NPNT: variants seen among roughly 807,000 people sequenced by gnomAD.
The protein encoded by NPNT is nephronectin, also known as preosteoblast EGF-like repeat protein with MAM domain.
A neutral mutation model predicts 68.6 loss-of-function variants in NPNT; 45 were observed. The ratio of observed to expected loss-of-function variants is 0.66; its 90% CI spans 0.52 to 0.84. NPNT has a LOEUF of 0.84. NPNT is among the 40% of genes least tolerant of loss of function. NPNT has a pLI of 0.00. For missense variants in NPNT, 672 were observed against 714.8 expected (o/e 0.94, Z 0.68); for synonymous variants, 233 against 253.3 (o/e 0.92, Z 0.76).
In NPNT at chr4:105,970,873, G is replaced by T. The variant is rs535541993; in HGVS notation, c.*1883G>T. 1.3e-5 allele frequency: 4 copies of T among 304,902 alleles called. No individual in the cohort carries two copies. Among genetic ancestry groups the T allele is most frequent in the Admixed American group, 4.6e-5 (1 of 21,914 alleles). 18.9% of individuals were successfully genotyped at this position (304,902 alleles called of 1,614,324 possible). ...CCCTCTTGACCTCCTAATGGAGAGG[G>T]ATTGAAAGGGGAAGAGCCCACCAAA... On this transcript the variant is annotated 3_prime_UTR_variant, in exon 12 of 12. Coordinates refer to ENST00000379987, the MANE Select transcript of NPNT (RefSeq NM_001033047.3).
intron 8 of NPNT, among the ~76,000 whole-genome samples, chr4:105,950,453 T>A (rs1730734397): frequency 1.3e-5 from 2 of 152,112 alleles, no homozygotes; most frequent in African/African-American, 4.8e-5. Context: ...TTATTTATTA[T>A]TTATTTATTT....
At position 105,898,999 on chromosome 4, in the gene NPNT, A is replaced by C. The variant is rs973501198; in HGVS notation, c.172+998A>C. ...GAGGCTTAGAGGAAGAGAGAAGGGC[A>C]GTTACGAAGGCTAGAGCTGGCAATG... On this transcript the variant is annotated intron_variant, in intron 2 of 11. Transcript: ENST00000379987. Among the ~76,000 whole-genome samples, 79 of 152,242 alleles carry C rather than the reference A, an allele frequency of 5.2e-4. 1 individual carries two copies. Among genetic ancestry groups the C allele is most frequent in the African/African-American group, 1.9e-3 (77 of 41,530 alleles).
rs553083632 is a variant in NPNT, at chr4:105,932,964, A to G, written c.266-4045A>G. Among the ~76,000 whole-genome samples, 108 of 152,336 alleles carry G rather than the reference A, an allele frequency of 7.1e-4. 1 individual carries two copies. Among genetic ancestry groups the G allele is most frequent in the African/African-American group, 2.5e-3 (106 of 41,578 alleles). Reference sequence around the variant, plus strand: ...ATTTTGAAATATGTTCTAAAAACAGATAGCAAAACAACTTTTTTCATATGT... The same window carrying G: ...ATTTTGAAATATGTTCTAAAAACAGGTAGCAAAACAACTTTTTTCATATGT... On this transcript the variant is annotated intron_variant, in intron 3 of 11. Transcript: ENST00000379987.
intron 2 of NPNT, among the ~76,000 whole-genome samples, chr4:105,926,115 C>G (rs1394650738): frequency 6.6e-6 from 1 of 152,158 alleles, no homozygotes; most frequent in East Asian, 1.9e-4. Context: ...AGTCTGCTCC[C>G]TTCTCTGTCT....
intron 3 of NPNT, chr4:105,932,800 A>G: frequency 1.2e-6 from 1 of 829,782 alleles, no homozygotes; most frequent in East Asian, 2.7e-5. Context: ...CTAGCCCAGG[A>G]GTGTCCAGCC....
intron 2 of NPNT, among the ~76,000 whole-genome samples, chr4:105,926,327 A>T (rs1728675352): frequency 6.6e-6 from 1 of 152,172 alleles, no homozygotes. Flanking sequence ...ATTATTTTTC[A>T]TCTATTATAG....
chr4:105,940,641 G>A lies in NPNT; in HGVS notation c.763+5G>A, dbSNP rs1395840397. 4.3e-6 allele frequency: 7 copies of A among 1,611,934 alleles called. No homozygotes were observed. The highest frequency in any genetic ancestry group is 5.9e-6 in the Non-Finnish European group (7 of 1,178,792). On this transcript the variant is annotated splice_donor_5th_base_variant and intron_variant, in intron 7 of 11. Transcript: ENST00000379987. Reference sequence around the variant, plus strand: ...GTGATGGACTGACTTGTGTGTGTGAGTAGCACTTGTCTCTCAGCTTTAAAT... The same window carrying A: ...GTGATGGACTGACTTGTGTGTGTGAATAGCACTTGTCTCTCAGCTTTAAAT...
intron 2 of NPNT, among the ~76,000 whole-genome samples, chr4:105,926,157 T>C (rs947889853): frequency 6.6e-6 from 1 of 152,182 alleles, no homozygotes; most frequent in Non-Finnish European, 1.5e-5. Flanking sequence ...ATAAGCCTCC[T>C]CTATGAGGCT....
intron 2 of NPNT, chr4:105,911,768 C>T (rs533552937): frequency 5.2e-6 from 1 of 192,384 alleles, no homozygotes; most frequent in African/African-American, 2.4e-5. Context: ...AACTATTAGC[C>T]TTTCTTACTA....
At chr4:105,967,554 G>C in intron 11 of NPNT, 110 bp downstream of exon 11, 2 of 1,187,602 alleles carry the variant, frequency 1.7e-6, no homozygotes, top group Non-Finnish European at 2.3e-6. Context: ...CTCAGATAAA[G>C]GTTTGGGTTT....
At chr4:105,922,268 AT>A (rs1208961677) in intron 2 of NPNT, among the ~76,000 whole-genome samples, 1 of 152,030 alleles carries the variant, frequency 6.6e-6, no homozygotes, top group Non-Finnish European at 1.5e-5. Context: ...CATAAGAAAC[AT>A]TATAGGACTG....
intron 8 of NPNT, among the ~76,000 whole-genome samples, chr4:105,951,794 G>T (rs1479720822): frequency 6.6e-6 from 1 of 152,086 alleles, no homozygotes; most frequent in Admixed American, 6.5e-5. Context: ...CGTATAAATG[G>T]GCCCTTGGTG....
rs940608571 is a variant in NPNT at position 105,970,451 on chromosome 4, T to C, written c.*1461T>C. 7 of 700,080 alleles carry C rather than the reference T, an allele frequency of 1.0e-5. No homozygotes were observed. Among genetic ancestry groups the C allele is most frequent in the Non-Finnish European group, 1.6e-5 (6 of 383,006 alleles). The allele number at this position is 700,080 out of a possible 1,614,324, so 43.4% of individuals were successfully genotyped here. A position where few individuals can be genotyped will look rare whatever the true frequency, so the allele number is the denominator to read the frequency against. On this transcript the variant is annotated 3_prime_UTR_variant, in exon 12 of 12. Coordinates refer to ENST00000379987, the MANE Select transcript of NPNT (RefSeq NM_001033047.3). ...GATGGAAAATTAAAGGAACTGGGAT[T>C]ATTGAGCCTGGAGAAGAGAAGACTG...
At chr4:105,925,540 CA>C (rs1020934257) in intron 2 of NPNT, among the ~76,000 whole-genome samples, 2 of 152,024 alleles carry the variant, frequency 1.3e-5, no homozygotes, top group African/African-American at 4.8e-5. Context: ...TTAAAGGAAA[CA>C]ATGTTTGATA....
rs568141290 is a variant in NPNT, at chr4:105,898,151, C to T, written c.172+150C>T. ...GGGATTTTCAGGTACAGTCCAGACT[C>T]CTTATTCTGCTTCTTTTCAGCTTTA... On this transcript the variant is annotated intron_variant, in intron 2 of 11. Transcript: ENST00000379987. The T allele has an allele frequency of 1.1e-5, 5 of 459,096 alleles. No homozygotes were observed. The East Asian group carries it at 1.7e-4, about 16-fold the overall frequency. The allele number at this position is 459,096 out of a possible 1,614,324, so 28.4% of individuals were successfully genotyped here.
At chr4:105,932,771 C>A in intron 3 of NPNT, 1 of 1,105,912 alleles carries the variant, frequency 9.0e-7, no homozygotes, top group Non-Finnish European at 1.3e-6. Flanking sequence ...TATGTCACTT[C>A]TTGCAAATGT....
Position 105,967,207 on chromosome 4 carries a change from G to A in NPNT, c.1365G>A (p.Val455=), listed in dbSNP as rs1436182928. Residue 455 remains valine, a synonymous_variant, in exon 11 of 12, where the codon GTG becomes GTA. Transcript: ENST00000379987. The part of the protein sequence containing the change: ...RDPAGGQYLT[V]SAAKAPGGKA... Reference sequence around the variant, plus strand: ...TTCCAGGTGGACAATATCTGACAGTGTCGGCAGCCAAAGCCCCAGGGGGAA... The same window carrying A: ...TTCCAGGTGGACAATATCTGACAGTATCGGCAGCCAAAGCCCCAGGGGGAA... 1 of 1,613,770 alleles carries A rather than the reference G, an allele frequency of 6.2e-7. No homozygotes were observed. The highest frequency in any genetic ancestry group is 1.1e-5 in the South Asian group (1 of 91,062).
intron 10 of NPNT, among the ~76,000 whole-genome samples, chr4:105,960,087 G>A (rs1731596858): frequency 6.6e-6 from 1 of 152,190 alleles, no homozygotes; most frequent in Non-Finnish European, 1.5e-5. Flanking sequence ...TGGGATTACA[G>A]GCGTGAGCCA....
chr4:105,951,268 G>A (rs1040318262), intron 8 of NPNT, among the ~76,000 whole-genome samples: 19 of 152,150 alleles, frequency 1.2e-4, no homozygotes, highest in Non-Finnish European at 2.8e-4. Flanking sequence ...TATGTATCAG[G>A]TGCTCTTATG....
Sources: gnomAD v4.1 joint callset for allele counts (sites outside exome capture counted in the v4.1 genomes callset) on GRCh38, gnomAD v4.1.1 for gene constraint, MANE v1.5 for transcripts, NCBI Gene and HGNC (gene_info 2026-07-23, HGNC 2026-07-21) for gene names.